ENAM: variants seen among roughly 807,000 people sequenced by gnomAD.
ENAM encodes enamelin, also known as amelogenesis imperfecta 2, hypocalcification (autosomal dominant).
Under a neutral mutation model 33.6 loss-of-function variants are expected in ENAM, and 21 were observed. That is an observed-to-expected ratio of 0.63 (90% CI 0.44 to 0.90). ENAM has a LOEUF of 0.90. ENAM is among the 40% of genes least tolerant of loss of function. The pLI, the probability that ENAM is intolerant of heterozygous loss-of-function variation, is 0.00. For missense variants in ENAM, 1,388 were observed against 1,366.9 expected (o/e 1.02, Z -0.24); for synonymous variants, 473 against 468.4 (o/e 1.01, Z -0.13).
At chr4:70,637,458 G>T (rs1305039467) in intron 7 of ENAM, among the ~76,000 whole-genome samples, 3 of 152,084 alleles carry the variant, frequency 2.0e-5, no homozygotes, top group Non-Finnish European at 4.4e-5. Flanking sequence ...GTATGTGTGT[G>T]CATGGTGTGT....
chr4:70,630,982 T>C (rs1029301948), intron 2 of ENAM, among the ~76,000 whole-genome samples: 1 of 152,044 alleles, frequency 6.6e-6, no homozygotes, highest in Admixed American at 6.6e-5. Flanking sequence ...CCTCAGGGGA[T>C]CCACCCACCT....
In ENAM at chr4:70,642,284, A is replaced by T; in HGVS notation, c.858A>T (p.Gln286His). The change falls in exon 9 of 9, where the codon CAA becomes CAT. Residue 286 changes from glutamine (Q) to histidine (H), a missense_variant. Physicochemically the swap from Gln to His is conservative, Grantham distance 24 (BLOSUM62 0). Coordinates refer to ENST00000396073, the MANE Select transcript of ENAM (RefSeq NM_031889.3). Reference protein sequence around the residue: ...GLNTGNNPPAQNGIGPLPAVN... With the variant: ...GLNTGNNPPAHNGIGPLPAVN... The stretch of plus-strand genomic sequence containing the variant: ...ACACTGGGAACAACCCTCCAGCTCA[A>T]AATGGGATTGGCCCACTCCCTGCAG... 2 of 1,614,206 alleles carry T rather than the reference A, an allele frequency of 1.2e-6. No individual in the cohort carries two copies. The highest frequency in any genetic ancestry group is 1.7e-6 in the Non-Finnish European group (2 of 1,180,042).
intron 8 of ENAM, among the ~76,000 whole-genome samples, chr4:70,639,628 C>T (rs1252924364): frequency 1.3e-5 from 2 of 149,452 alleles, no homozygotes; most frequent in Non-Finnish European, 3.0e-5. Flanking sequence ...TTTAGATAGG[C>T]ACAATGGCTC....
chr4:70,642,129 G>C lies in ENAM; in HGVS notation c.703G>C (p.Ala235Pro), dbSNP rs777325136. 3 of 1,614,002 alleles carry C rather than the reference G, an allele frequency of 1.9e-6. No individual in the cohort carries two copies. Among genetic ancestry groups the C allele is most frequent in the Admixed American group, 3.3e-5 (2 of 59,996 alleles). ...ACCCAAAGAAGAAGATCCTCCTAAA[G>C]CAGAAAGTCCAGGCACAGAACCCAC... The part of the protein sequence containing the change: ...EKPKEEDPPK[A>P]ESPGTEPTAN... Residue 235 changes from alanine (A) to proline (P), a missense_variant, in exon 9 of 9, where the codon GCA becomes CCA. Physicochemically the swap from Ala to Pro is conservative, Grantham distance 27. Coordinates refer to ENST00000396073, the MANE Select transcript of ENAM (RefSeq NM_031889.3).
At chr4:70,636,575 C>T (rs1738456610) in intron 7 of ENAM, among the ~76,000 whole-genome samples, 2 of 152,112 alleles carry the variant, frequency 1.3e-5, no homozygotes, top group Non-Finnish European at 2.9e-5. Flanking sequence ...TCGAGACCAG[C>T]CTGACCAACA....
In ENAM at chr4:70,644,727, A is replaced by G; in HGVS notation, c.3301A>G (p.Thr1101Ala). 6.2e-7 allele frequency: 1 copy of G among 1,614,038 alleles called. No individual in the cohort carries two copies. Among genetic ancestry groups the G allele is most frequent in the Non-Finnish European group, 8.5e-7 (1 of 1,179,900 alleles). The change falls in exon 9 of 9, where the codon ACT becomes GCT. Residue 1101 changes from threonine to alanine, a missense_variant. Transcript: ENST00000396073. ...ENPNTLVELA[T>A]EEQFKSINVD... ...TCCTAACACATTGGTTGAGTTAGCT[A>G]CTGAGGAACAATTTAAGAGTATAAA...
In ENAM at chr4:70,642,986, T is replaced by C. The variant is rs1738642454; in HGVS notation, c.1560T>C (p.Ile520=). Residue 520 remains isoleucine (I), a synonymous_variant, in exon 9 of 9, where the codon ATT becomes ATC. Transcript: ENST00000396073. ...QTQSQNLPKG[I]VLGSRRMPYE... is the part of the protein sequence containing the mutation. ...AAAGCCAGAATTTGCCCAAAGGGAT[T>C]GTTTTAGGGTCAAGAAGGATGCCAT... is the stretch of plus-strand genomic sequence containing the variant. 6.2e-7 allele frequency: 1 copy of C among 1,614,128 alleles called. No individual in the cohort carries two copies. Among genetic ancestry groups the C allele is most frequent in the Non-Finnish European group, 8.5e-7 (1 of 1,180,022 alleles).
Position 70,637,790 on chromosome 4 carries a change from A to G in ENAM, c.535A>G (p.Arg179Gly), listed in dbSNP as rs758593644. Residue 179 changes from arginine (R) to glycine (G), a missense_variant and splice_region_variant, in exon 8 of 9, where the codon AGG becomes GGG. Coordinates refer to ENST00000396073, the MANE Select transcript of ENAM (RefSeq NM_031889.3). ...YQQPPWQIPQ[R>G]LPPPGYGRPP... ...GTTCACTGTGTTTTTCACTTCTCAGAGGTTACCACCACCAGGTTATGGACG... is the reference window on the plus strand; with the variant it reads ...GTTCACTGTGTTTTTCACTTCTCAGGGGTTACCACCACCAGGTTATGGACG... 3.1e-6 allele frequency: 5 copies of G among 1,613,420 alleles called. No individual in the cohort carries two copies. Among genetic ancestry groups the G allele is most frequent in the Non-Finnish European group, 4.2e-6 (5 of 1,179,394 alleles).
Position 70,644,488 on chromosome 4 carries a change from T to C in ENAM, c.3062T>C (p.Ile1021Thr), listed in dbSNP as rs1218121762. The change falls in exon 9 of 9, where the codon ATT becomes ACT. Residue 1021 changes from isoleucine to threonine, a missense_variant. Transcript: ENST00000396073. ...GACCTTACTCCTGAGCAGCTTGTTA[T>C]TGGTACACCTGATGAAGGCTCCAAT... ...TVDLTPEQLV[I>T]GTPDEGSNPE... is the part of the protein sequence containing the mutation. The C allele has an allele frequency of 6.2e-7, 1 of 1,614,186 alleles. No homozygotes were observed. Among genetic ancestry groups the C allele is most frequent in the Admixed American group, 1.7e-5 (1 of 60,024 alleles).
chr4:70,637,761 C>T (rs1357770113), intron 7 of ENAM, 29 bp from the exon 8 acceptor site: 1 of 1,600,112 alleles, frequency 6.2e-7, no homozygotes, highest in Non-Finnish European at 8.6e-7. Context: ...TGGTTTTCTC[C>T]TGTGTTCACT....
At position 70,642,283 on chromosome 4, in the gene ENAM, A is replaced by C. The variant is rs759742206; in HGVS notation, c.857A>C (p.Gln286Pro). 6.2e-7 allele frequency: 1 copy of C among 1,614,162 alleles called. No individual in the cohort carries two copies. Among genetic ancestry groups the C allele is most frequent in the Non-Finnish European group, 8.5e-7 (1 of 1,180,014 alleles). Residue 286 changes from glutamine to proline, a missense_variant, in exon 9 of 9, where the codon CAA becomes CCA. By Grantham distance (76) the Gln-to-Pro change is moderately conservative. Transcript: ENST00000396073. ...GLNTGNNPPAQNGIGPLPAVN... is the reference protein window; with the variant it reads ...GLNTGNNPPAPNGIGPLPAVN... The stretch of plus-strand genomic sequence containing the variant: ...AACACTGGGAACAACCCTCCAGCTC[A>C]AAATGGGATTGGCCCACTCCCTGCA...
rs1157888559 is a variant in ENAM, at chr4:70,637,123, G to A, written c.535-667G>A. On this transcript the variant is annotated intron_variant, in intron 7 of 8. Transcript: ENST00000396073. The stretch of plus-strand genomic sequence containing the variant: ...AGAGTGACTTCCTTTTACTGGCTAT[G>A]CTGAACTAAGGAAATTAAGGCAGTA... Among the ~76,000 whole-genome samples the A allele has an allele frequency of 2.0e-5, 3 of 152,152 alleles. No homozygotes were observed. In the East Asian group the frequency reaches 5.8e-4, roughly 29 times the overall value.
intron 5 of ENAM, 40 bp downstream of exon 5, chr4:70,632,732 T>A: frequency 7.3e-7 from 1 of 1,368,692 alleles, no homozygotes; most frequent in Non-Finnish European, 1.0e-6. Context: ...ATTTCTTGTT[T>A]ATCTAGATAA....
At chr4:70,630,739 A>T (rs1430512429) in intron 2 of ENAM, among the ~76,000 whole-genome samples, 1 of 147,032 alleles carries the variant, frequency 6.8e-6, no homozygotes, top group East Asian at 1.9e-4. Context: ...CTTAGAGCAT[A>T]AGTGATTTTT....
rs1279682578 is a variant in ENAM, at chr4:70,645,580, A to T, written c.*725A>T. 6.6e-6 allele frequency: 1 copy of T among 151,978 alleles called. No homozygotes were observed. The highest frequency in any genetic ancestry group is 1.9e-4 in the East Asian group (1 of 5,190). The allele number at this position is 151,978 out of a possible 1,614,324, so 9.4% of individuals were successfully genotyped here. ...TATCTGTTCTGTCTCCCAATGTACC[A>T]CTTATCAACTAATCCCTCTCCTCTC... On this transcript the variant is annotated 3_prime_UTR_variant, in exon 9 of 9. Coordinates refer to ENST00000396073, the MANE Select transcript of ENAM (RefSeq NM_031889.3).
chr4:70,634,372 C>A lies in ENAM; in HGVS notation c.275C>A (p.Pro92His), dbSNP rs1170050226. 1 of 1,613,886 alleles carries A rather than the reference C, an allele frequency of 6.2e-7. No individual in the cohort carries two copies. The highest frequency in any genetic ancestry group is 1.3e-5 in the African/African-American group (1 of 74,900). The change falls in exon 6 of 9, where the codon CCC (proline) becomes CAC (histidine). Residue 92 changes from proline (P) to histidine (H), a missense_variant. Pro to His is a moderately conservative substitution (Grantham distance 77). Coordinates refer to ENST00000396073, the MANE Select transcript of ENAM (RefSeq NM_031889.3). ...CAGCAATTTCCACAGTACCAGATGC[C>A]CATGTGGCCTCAGCCACCACCCAAC... ...LPQQFPQYQMPMWPQPPPNTW... is the reference protein window; with the variant it reads ...LPQQFPQYQMHMWPQPPPNTW...
At position 70,644,846 on chromosome 4, in the gene ENAM, T is replaced by G; in HGVS notation, c.3420T>G (p.Leu1140=). The change falls in exon 9 of 9, where the codon CTT becomes CTG. Residue 1140 remains leucine, a synonymous_variant. Transcript: ENST00000396073. ...VQDQVQDCLL[L]QA is the part of the protein sequence containing the mutation. Reference sequence around the variant, plus strand: ...ACCAGGTACAAGACTGCTTACTACTTCAGGCCTAGGGGTTATCCAACCAAG... The same window carrying G: ...ACCAGGTACAAGACTGCTTACTACTGCAGGCCTAGGGGTTATCCAACCAAG... The G allele has an allele frequency of 6.2e-7, 1 of 1,613,388 alleles. No homozygotes were observed. Among genetic ancestry groups the G allele is most frequent in the Non-Finnish European group, 8.5e-7 (1 of 1,179,320 alleles).
Position 70,644,422 on chromosome 4 carries a change from A to T in ENAM, c.2996A>T (p.Glu999Val). ...GGAGGAGATGGGAACAACATTCTGG[A>T]ACAAGTTTTTGAAGACAACCAGCTC... ...DLGGDGNNIL[E>V]QVFEDNQLNE... Residue 999 changes from glutamate to valine, a missense_variant, in exon 9 of 9, where the codon GAA becomes GTA. Physicochemically the swap from Glu to Val is moderately radical, Grantham distance 121. Transcript: ENST00000396073. 1 of 1,614,180 alleles carries T rather than the reference A, an allele frequency of 6.2e-7. No homozygotes were observed.
rs1407368921 is a variant in ENAM, at chr4:70,646,755, T to C, written c.*1900T>C. ...TTTTAATCACACATTGAAAAATTCA[T>C]TAACTTATTCTGTATAAAACTGTCT... On this transcript the variant is annotated 3_prime_UTR_variant, in exon 9 of 9. Transcript: ENST00000396073. The C allele has an allele frequency of 6.6e-6, 1 of 152,232 alleles. No homozygotes were observed. Among genetic ancestry groups the C allele is most frequent in the Non-Finnish European group, 1.5e-5 (1 of 68,042 alleles). The allele number at this position is 152,232 out of a possible 1,614,324, so 9.4% of individuals were successfully genotyped here. A position where few individuals can be genotyped will look rare whatever the true frequency, so the allele number is the denominator to read the frequency against.
Sources: allele counts gnomAD v4.1 joint callset (sites outside exome capture counted in the v4.1 genomes callset), GRCh38; gene constraint gnomAD v4.1.1; transcripts MANE v1.5; gene names NCBI Gene and HGNC (gene_info 2026-07-23, HGNC 2026-07-21).